STXBP5L: variants seen among roughly 807,000 people sequenced by gnomAD.
STXBP5L encodes the protein syntaxin-binding protein 5-like.
STXBP5L carries 65 observed loss-of-function variants against 144.5 expected under a neutral mutation model. The ratio of observed to expected loss-of-function variants is 0.45; its 90% CI spans 0.37 to 0.55. The LOEUF (loss-of-function observed/expected upper bound fraction) is 0.55, where lower values mean the gene tolerates loss of function less well. STXBP5L is among the 20% of genes least tolerant of loss of function. STXBP5L has a pLI of 0.00. For synonymous variants in STXBP5L, 505 were observed against 469.6 expected (o/e 1.08, Z -0.97); for missense variants, 1,298 against 1,405.5 (o/e 0.92, Z 1.22).
chr3:121,418,656 T>C, intron 26 of STXBP5L, 99 bp downstream of exon 26: 2 of 1,120,880 alleles, frequency 1.8e-6, no homozygotes, highest in Non-Finnish European at 1.3e-6. Flanking sequence ...ACATAAGTAA[T>C]CCTGTATGAG....
intron 3 of STXBP5L, among the ~76,000 whole-genome samples, chr3:121,027,702 C>T (rs1325602718): frequency 1.3e-5 from 2 of 152,040 alleles, no homozygotes; most frequent in Non-Finnish European, 1.5e-5. Flanking sequence ...CTGAATAATC[C>T]AAGATAATCT....
intron 9 of STXBP5L, among the ~76,000 whole-genome samples, chr3:121,201,009 C>T (rs1387518882): frequency 2.0e-5 from 3 of 152,132 alleles, no homozygotes; most frequent in African/African-American, 7.2e-5. Flanking sequence ...CTTCTTGGTC[C>T]AGGGCCAAGT....
chr3:121,135,246 C>T (rs150578100), intron 7 of STXBP5L, among the ~76,000 whole-genome samples: 21 of 152,118 alleles, frequency 1.4e-4, no homozygotes, highest in African/African-American at 5.1e-4. Flanking sequence ...CACTTTTTGA[C>T]GGTGTTGTTT....
intron 20 of STXBP5L, among the ~76,000 whole-genome samples, chr3:121,328,697 C>A (rs1327786144): frequency 6.6e-6 from 1 of 152,078 alleles, no homozygotes; most frequent in Non-Finnish European, 1.5e-5. Context: ...TTGCAGTGAG[C>A]TGAGATCGCA....
chr3:121,423,489 G>C lies in STXBP5L; in HGVS notation c.*4392G>C, dbSNP rs2047396931. On this transcript the variant is annotated 3_prime_UTR_variant, in exon 27 of 27. Transcript: ENST00000471454. ...GGTGCAAGAAGATCGTGGTGAGGAA[G>C]GACATGGGAGCCACAGTGAAGTGAA... The C allele has an allele frequency of 6.6e-6, 1 of 152,272 alleles. No individual in the cohort carries two copies. Among genetic ancestry groups the C allele is most frequent in the African/African-American group, 2.4e-5 (1 of 41,458 alleles). The allele number at this position is 152,272 out of a possible 1,614,324, so 9.4% of individuals were successfully genotyped here.
In STXBP5L at chr3:121,422,645, C is replaced by T. The variant is rs1378421888; in HGVS notation, c.*3548C>T. 6.6e-6 allele frequency: 1 copy of T among 152,118 alleles called. No homozygotes were observed. Among genetic ancestry groups the T allele is most frequent in the Non-Finnish European group, 1.5e-5 (1 of 68,018 alleles). 9.4% of individuals were successfully genotyped at this position (152,118 alleles called of 1,614,324 possible). On this transcript the variant is annotated 3_prime_UTR_variant, in exon 27 of 27. Transcript: ENST00000471454. ...CAGACTTTAGGGCCCCAATCATTGT[C>T]AAGATCATTGTCTAACTGGAACTCT...
intron 20 of STXBP5L, among the ~76,000 whole-genome samples, chr3:121,340,871 T>A (rs990410220): frequency 5.3e-5 from 8 of 151,990 alleles, no homozygotes; most frequent in Admixed American, 5.2e-4. Flanking sequence ...AAAGTTAAAG[T>A]GTAGAGTTTT....
chr3:121,289,985 T>G (rs1477997337), intron 19 of STXBP5L, among the ~76,000 whole-genome samples: 1 of 151,628 alleles, frequency 6.6e-6, no homozygotes, highest in Non-Finnish European at 1.5e-5. Flanking sequence ...CAATCTAAGG[T>G]CACACCTCAA....
intron 3 of STXBP5L, among the ~76,000 whole-genome samples, chr3:120,999,509 G>T (rs889519754): frequency 5.9e-5 from 9 of 152,162 alleles, no homozygotes; most frequent in African/African-American, 1.9e-4. Context: ...ACAGTTGGGT[G>T]TTGCTTCTTT....
At chr3:121,022,930 A>G (rs1945666002) in intron 3 of STXBP5L, among the ~76,000 whole-genome samples, 1 of 152,120 alleles carries the variant, frequency 6.6e-6, no homozygotes, top group Non-Finnish European at 1.5e-5. Flanking sequence ...AGAAAGAAAG[A>G]AAGGGCATCC....
In STXBP5L at chr3:121,422,189, T is replaced by G. The variant is rs6787048; in HGVS notation, c.*3092T>G. ...AAGTACTGTTGATCCATGTAATCCTTTGCATAGTCTCATCTTTACTATCTT... is the reference window on the plus strand; with the variant it reads ...AAGTACTGTTGATCCATGTAATCCTGTGCATAGTCTCATCTTTACTATCTT... On this transcript the variant is annotated 3_prime_UTR_variant, in exon 27 of 27. Coordinates refer to ENST00000471454, the MANE Select transcript of STXBP5L (RefSeq NM_001308330.2). 0.75 allele frequency: 113,303 copies of G among 152,068 alleles called. 42,352 individuals are homozygous for G. Among genetic ancestry groups the G allele is most frequent in the East Asian group, 0.89 (4,603 of 5,170 alleles). 9.4% of individuals were successfully genotyped at this position (152,068 alleles called of 1,614,324 possible).
chr3:121,015,080 T>G (rs1370291818), intron 3 of STXBP5L, among the ~76,000 whole-genome samples: 1 of 152,096 alleles, frequency 6.6e-6, no homozygotes, highest in East Asian at 1.9e-4. Context: ...ATTAAGAGGT[T>G]CTTTCCAAAT....
At chr3:121,186,461 A>G (rs1181812334) in intron 9 of STXBP5L, among the ~76,000 whole-genome samples, 1 of 152,188 alleles carries the variant, frequency 6.6e-6, no homozygotes, top group Non-Finnish European at 1.5e-5. Context: ...ATTTTGAGAT[A>G]CATCCCATCA....
chr3:120,952,920 T>A (rs1711362340), intron 2 of STXBP5L, among the ~76,000 whole-genome samples: 1 of 151,968 alleles, frequency 6.6e-6, no homozygotes, highest in Non-Finnish European at 1.5e-5. Flanking sequence ...TATCTAAGCC[T>A]CCAGAGTATC....
intron 5 of STXBP5L, among the ~76,000 whole-genome samples, chr3:121,057,810 T>TA (rs1228284444): frequency 6.6e-6 from 1 of 151,992 alleles, no homozygotes; most frequent in African/African-American, 2.4e-5. Context: ...GGTATAATAA[T>TA]AAAAATTTTT....
intron 2 of STXBP5L, among the ~76,000 whole-genome samples, chr3:120,912,889 A>G (rs1484279539): frequency 1.3e-5 from 2 of 151,968 alleles, no homozygotes; most frequent in African/African-American, 4.8e-5. Flanking sequence ...TGCATTCCCT[A>G]AAAGATACCA....
chr3:121,270,987 A>G (rs541001333), intron 18 of STXBP5L, among the ~76,000 whole-genome samples: 64 of 152,180 alleles, frequency 4.2e-4, no homozygotes, highest in Non-Finnish European at 7.3e-4. Context: ...GGTGATATCT[A>G]CCAGGTTTCT....
At chr3:121,350,528 C>A (rs2045233031) in intron 20 of STXBP5L, among the ~76,000 whole-genome samples, 1 of 152,124 alleles carries the variant, frequency 6.6e-6, no homozygotes, top group Non-Finnish European at 1.5e-5. Context: ...TGGGGAAGTT[C>A]TCCTGGATAA....
At chr3:121,108,320 G>T (rs2043813166) in intron 5 of STXBP5L, among the ~76,000 whole-genome samples, 1 of 152,154 alleles carries the variant, frequency 6.6e-6, no homozygotes, top group Non-Finnish European at 1.5e-5. Flanking sequence ...TCCAGCTTTT[G>T]CTCATTCAGT....
Sources: allele counts gnomAD v4.1 joint callset (sites outside exome capture counted in the v4.1 genomes callset), GRCh38; gene constraint gnomAD v4.1.1; transcripts MANE v1.5; gene names NCBI Gene and HGNC (gene_info 2026-07-23, HGNC 2026-07-21).